Variants in RORA observed in about 807,000 individuals in gnomAD.
The protein encoded by RORA is RAR related orphan receptor A, also known as nuclear receptor ROR-alpha.
RORA carries 7 observed loss-of-function variants against 69.5 expected under a neutral mutation model. The ratio of observed to expected loss-of-function variants is 0.10; its 90% CI spans 0.06 to 0.19. RORA has a LOEUF of 0.19. Among genes scored for constraint, RORA ranks in the 10% least tolerant of loss-of-function variants. The pLI is 1.00. For synonymous variants in RORA, 261 were observed against 240.8 expected (o/e 1.08, Z -0.78); for missense variants, 457 against 663.0 (o/e 0.69, Z 3.41).
intron 1 of RORA, among the ~76,000 whole-genome samples, chr15:60,843,343 T>C (rs534676546): frequency 6.6e-6 from 1 of 152,244 alleles, no homozygotes; most frequent in Admixed American, 6.5e-5. Context: ...TTAGTAGCCA[T>C]AAAGTCCAGG....
intron 1 of RORA, among the ~76,000 whole-genome samples, chr15:60,980,817 A>G (rs981640940): frequency 2.6e-5 from 4 of 152,078 alleles, no homozygotes; most frequent in Admixed American, 6.5e-5. Context: ...ATCTTTTCAA[A>G]TAACCAACTT....
chr15:61,040,050 G>A (rs879096241), intron 1 of RORA, among the ~76,000 whole-genome samples: 1 of 135,754 alleles, frequency 7.4e-6, no homozygotes, highest in African/African-American at 2.8e-5. Flanking sequence ...TTCCAACTTC[G>A]TAAATTGTGT....
At chr15:60,498,226 ACTT>A (rs1369925662) in intron 10 of RORA, among the ~76,000 whole-genome samples, 17 of 152,306 alleles carry the variant, frequency 1.1e-4, no homozygotes, top group South Asian at 4.1e-4. Context: ...AAGGCTCTTG[ACTT>A]CTTCTACTCC....
At position 60,961,088 on chromosome 15, in the gene RORA, C is replaced by A. The variant is rs144273042; in HGVS notation, c.166+267965G>T. On this transcript the variant is annotated intron_variant, in intron 1 of 10. Transcript: ENST00000335670. Reference sequence around the variant, plus strand: ...CTGACCACTCCATCAAGGTCAAGGGCAAATCTCACCTCCTTCAGGACATTC... The same window carrying A: ...CTGACCACTCCATCAAGGTCAAGGGAAAATCTCACCTCCTTCAGGACATTC... Among the ~76,000 whole-genome samples, 727 of 152,282 alleles carry A rather than the reference C, an allele frequency of 4.8e-3. 12 individuals carry two copies. Among genetic ancestry groups the A allele is most frequent in the African/African-American group, 0.017 (687 of 41,544 alleles).
intron 2 of RORA, among the ~76,000 whole-genome samples, chr15:60,591,686 CAA>C: frequency 6.6e-6 from 1 of 152,284 alleles, no homozygotes; most frequent in South Asian, 2.1e-4. Flanking sequence ...ATCCACCAGC[CAA>C]AGTGTCAAGC....
intron 1 of RORA, among the ~76,000 whole-genome samples, chr15:60,702,510 G>A (rs1407680301): frequency 6.6e-6 from 1 of 152,198 alleles, no homozygotes; most frequent in African/African-American, 2.4e-5. Flanking sequence ...GGGATTACAG[G>A]CGTGAGCCAC....
chr15:60,901,993 G>T (rs1365688610), intron 1 of RORA, among the ~76,000 whole-genome samples: 1 of 152,166 alleles, frequency 6.6e-6, no homozygotes, highest in Non-Finnish European at 1.5e-5. Flanking sequence ...AATGTCCAGG[G>T]TGCCTCAGCT....
chr15:60,753,007 A>AT (rs1004598284), intron 1 of RORA, among the ~76,000 whole-genome samples: 9 of 152,162 alleles, frequency 5.9e-5, no homozygotes, highest in African/African-American at 2.2e-4. Flanking sequence ...GTTGACTTGA[A>AT]TTTTTTTACT....
intron 1 of RORA, among the ~76,000 whole-genome samples, chr15:61,155,842 C>T (rs1379452034): frequency 6.6e-6 from 1 of 152,160 alleles, no homozygotes; most frequent in Non-Finnish European, 1.5e-5. Flanking sequence ...ACCTCAGAAC[C>T]ACAGCTTTCT....
At chr15:60,992,597 C>T (rs182201347) in intron 1 of RORA, among the ~76,000 whole-genome samples, 110 of 152,302 alleles carry the variant, frequency 7.2e-4, no homozygotes, top group Non-Finnish European at 1.4e-3. Flanking sequence ...ATTGCCACTA[C>T]AGTTCTGAGA....
chr15:60,923,390 G>A (rs1239795253), intron 1 of RORA, among the ~76,000 whole-genome samples: 1 of 152,160 alleles, frequency 6.6e-6, no homozygotes, highest in Non-Finnish European at 1.5e-5. Flanking sequence ...CACAGCACCT[G>A]GCACATAGTG....
chr15:61,227,133 G>A (rs1766902957), intron 1 of RORA, among the ~76,000 whole-genome samples: 1 of 151,758 alleles, frequency 6.6e-6, no homozygotes, highest in South Asian at 2.1e-4. Context: ...CAGGGTGTGG[G>A]GGGGTCAAGA....
intron 1 of RORA, among the ~76,000 whole-genome samples, chr15:61,059,871 G>A (rs562773496): frequency 2.7e-4 from 41 of 149,484 alleles, no homozygotes; most frequent in African/African-American, 1.0e-3. Flanking sequence ...GTAAAGGATG[G>A]AAAAAATGTA....
chr15:60,568,503 T>C (rs79360097), intron 2 of RORA, among the ~76,000 whole-genome samples: 2,487 of 152,296 alleles, frequency 0.016, 40 homozygotes, highest in East Asian at 0.062. Flanking sequence ...CTCAGTGTGG[T>C]GTCAGAATGA....
At chr15:60,808,783 T>TAC (rs1170936384) in intron 1 of RORA, among the ~76,000 whole-genome samples, 6 of 151,426 alleles carry the variant, frequency 4.0e-5, no homozygotes, top group African/African-American at 1.2e-4. Flanking sequence ...TGTGTATATA[T>TAC]ACACACACAC....
intron 1 of RORA, among the ~76,000 whole-genome samples, chr15:60,764,305 C>T (rs547957253): frequency 6.6e-6 from 1 of 151,984 alleles, no homozygotes; most frequent in Non-Finnish European, 1.5e-5. Context: ...ATCCTAGGTC[C>T]TAAGTCCCTG....
chr15:61,223,631 C>G (rs1050650990), intron 1 of RORA, among the ~76,000 whole-genome samples: 1 of 152,210 alleles, frequency 6.6e-6, no homozygotes, highest in African/African-American at 2.4e-5. Flanking sequence ...AATTCATACT[C>G]AGAACAGTGA....
At position 60,492,843 on chromosome 15, in the gene RORA, G is replaced by A. The variant is rs1362175659; in HGVS notation, c.*4612C>T. The A allele has an allele frequency of 1.3e-5, 2 of 152,040 alleles. No individual in the cohort carries two copies. Among genetic ancestry groups the A allele is most frequent in the East Asian group, 1.9e-4 (1 of 5,196 alleles). 9.4% of individuals were successfully genotyped at this position (152,040 alleles called of 1,614,324 possible). A position where few individuals can be genotyped will look rare whatever the true frequency, so the allele number is the denominator to read the frequency against. The stretch of plus-strand genomic sequence containing the variant: ...AGTTCTAAACTCAACAAAATGAGAC[G>A]AGAGTAAAGAGTTTACACACACGCA... On this transcript the variant is annotated 3_prime_UTR_variant, in exon 11 of 11. Coordinates refer to ENST00000335670, the MANE Select transcript of RORA (RefSeq NM_134261.3).
chr15:60,887,141 TGAGAGAGAGAGAGAGA>T (rs3053903), intron 1 of RORA, among the ~76,000 whole-genome samples: 1 of 147,912 alleles, frequency 6.8e-6, no homozygotes, highest in African/African-American at 2.5e-5. Flanking sequence ...TTGCCAGAGC[TGAGAGAGAGAGAGAGA>T]GAGAGAGAGA....
Sources: gnomAD v4.1 joint callset for allele counts (sites outside exome capture counted in the v4.1 genomes callset) on GRCh38, gnomAD v4.1.1 for gene constraint, MANE v1.5 for transcripts, NCBI Gene and HGNC (gene_info 2026-07-23, HGNC 2026-07-21) for gene names.